The following CELF6 variants were observed in gnomAD, a reference collection of about 807,000 sequenced individuals.
The protein encoded by CELF6 is Bruno -like 6, RNA binding protein.
In CELF6, 32 loss-of-function variants were observed where a neutral mutation model predicts 53.1. The ratio of observed to expected loss-of-function variants is 0.60; its 90% CI spans 0.46 to 0.81. CELF6 has a LOEUF of 0.81. Among genes scored for constraint, CELF6 ranks in the 30% least tolerant of loss-of-function variants. The probability of loss-of-function intolerance (pLI) is 0.00; values close to 1 mark genes in which losing one functional copy is unlikely to be tolerated. For synonymous variants in CELF6, 291 were observed against 288.8 expected (o/e 1.01, Z -0.08); for missense variants, 539 against 669.5 (o/e 0.81, Z 2.15).
At chr15:72,300,124 G>T (rs372783328) in intron 3 of CELF6, among the ~76,000 whole-genome samples, 1 of 152,184 alleles carries the variant, frequency 6.6e-6, no homozygotes, top group Non-Finnish European at 1.5e-5. Context: ...GGAAGGCAAC[G>T]TGGGAGGATC....
chr15:72,292,027 T>C (rs764692253), intron 3 of CELF6, among the ~76,000 whole-genome samples: 2 of 152,052 alleles, frequency 1.3e-5, no homozygotes, highest in Non-Finnish European at 2.9e-5. Flanking sequence ...TTTTGAAAAA[T>C]CAGTGGAATA....
Position 72,320,069 on chromosome 15 carries a change from C to A in CELF6, c.-195G>T, listed in dbSNP as rs1435315726. The A allele has an allele frequency of 2.0e-4, 44 of 217,054 alleles. No homozygotes were observed. The highest frequency in any genetic ancestry group is 3.6e-4 in the Non-Finnish European group (38 of 105,090). The allele number at this position is 217,054 out of a possible 1,614,324, so 13.4% of individuals were successfully genotyped here. A position where few individuals can be genotyped will look rare whatever the true frequency, so the allele number is the denominator to read the frequency against. On this transcript the variant is annotated 5_prime_UTR_variant, in exon 1 of 13. Coordinates refer to ENST00000287202, the MANE Select transcript of CELF6 (RefSeq NM_052840.5). Reference sequence around the variant, plus strand: ...GGGCAGGAAAGGGGCGGGGCCGGGGCGGGGCGGGCCCGGGCCGAGGTGGCG... The same window carrying A: ...GGGCAGGAAAGGGGCGGGGCCGGGGAGGGGCGGGCCCGGGCCGAGGTGGCG...
intron 2 of CELF6, among the ~76,000 whole-genome samples, chr15:72,311,405 CT>C (rs531976963): frequency 1.3e-3 from 178 of 138,518 alleles, no homozygotes; most frequent in Middle Eastern, 3.8e-3. Context: ...CACCTTTTTT[CT>C]TTTTTTTTTT....
chr15:72,304,649 G>A, intron 3 of CELF6, 97 bp downstream of exon 3: 1 of 1,089,408 alleles, frequency 9.2e-7, no homozygotes. Context: ...TTGACCCAGG[G>A]AGGCTCTCAT....
In CELF6 at chr15:72,307,971, C is replaced by T. The variant is rs144228797; in HGVS notation, c.346-3177G>A. Among the ~76,000 whole-genome samples the T allele has an allele frequency of 4.6e-3, 695 of 151,840 alleles. 2 individuals are homozygous for T. The highest frequency in any genetic ancestry group is 0.02 in the Middle Eastern group (6 of 294). On this transcript the variant is annotated intron_variant, in intron 2 of 12. Transcript: ENST00000287202. The stretch of plus-strand genomic sequence containing the variant: ...GGAGCTGCAATGGCTAGGGTACGGA[C>T]AGGGAGCTGCAAGCCTGAAGGAGCA...
intron 3 of CELF6, among the ~76,000 whole-genome samples, chr15:72,302,516 A>C (rs1214274075): frequency 6.6e-6 from 1 of 152,228 alleles, no homozygotes; most frequent in Admixed American, 6.5e-5. Flanking sequence ...AAGTTTATAC[A>C]AAAATGTGGA....
At chr15:72,308,825 C>A (rs1456116286) in intron 2 of CELF6, among the ~76,000 whole-genome samples, 3 of 152,074 alleles carry the variant, frequency 2.0e-5, no homozygotes, top group African/African-American at 7.2e-5. Context: ...CCTGCCTCTG[C>A]CTCCTGAGTA....
rs527981118 is a variant in CELF6 at position 72,289,409 on chromosome 15, A to G, written c.846T>C (p.Phe282=). 42 of 1,555,294 alleles carry G rather than the reference A, an allele frequency of 2.7e-5. No homozygotes were observed. In the South Asian group the frequency reaches 4.2e-4, roughly 16 times the overall value. The change falls in exon 7 of 13, where the codon TTT becomes TTC. Residue 282 remains phenylalanine (F), a synonymous_variant. Transcript: ENST00000287202. The surrounding 1 kb of genome is among the most constrained non-coding windows in gnomAD (Gnocchi z 7.6). ...VAAQMQHVAA[F]SLVAAPLLPA... ...GCAACAGAGGCGCAGCTACCAGGCTAAAGGCCGCCACGTGTTGCATCTGGG... is the reference window on the plus strand; with the variant it reads ...GCAACAGAGGCGCAGCTACCAGGCTGAAGGCCGCCACGTGTTGCATCTGGG...
chr15:72,303,484 C>T (rs886867184), intron 3 of CELF6, among the ~76,000 whole-genome samples: 1 of 152,222 alleles, frequency 6.6e-6, no homozygotes, highest in Non-Finnish European at 1.5e-5. Flanking sequence ...ACCACAAAGT[C>T]ACCAGAACTC....
chr15:72,305,781 C>A (rs778092182), intron 2 of CELF6, among the ~76,000 whole-genome samples: 34 of 152,210 alleles, frequency 2.2e-4, no homozygotes, highest in Non-Finnish European at 4.7e-4. Flanking sequence ...ATGTTACCAG[C>A]TGCCTGCTGG....
chr15:72,300,461 T>A (rs1183005580), intron 3 of CELF6, among the ~76,000 whole-genome samples: 1 of 151,964 alleles, frequency 6.6e-6, no homozygotes, highest in Admixed American at 6.6e-5. Context: ...ACAAACCTCA[T>A]GTTTATTGAT....
Position 72,308,719 on chromosome 15 carries a change from T to A in CELF6, c.346-3925A>T, listed in dbSNP as rs78348508. 1.8e-3 allele frequency among the ~76,000 whole-genome samples: 270 copies of A among 152,150 alleles called. 7 individuals carry two copies. In the South Asian group the frequency reaches 0.029, roughly 16 times the overall value. On this transcript the variant is annotated intron_variant, in intron 2 of 12. Transcript: ENST00000287202. ...TTAAACATTTTTATTTATTTATTTA[T>A]TTTGGAGACTGAGTCTCACTCTATC...
intron 1 of CELF6, among the ~76,000 whole-genome samples, chr15:72,317,486 A>G (rs2088376682): frequency 6.6e-6 from 1 of 152,226 alleles, no homozygotes; most frequent in Admixed American, 6.5e-5. Flanking sequence ...TCACATCAAC[A>G]GGGAAACTGA....
rs1313320649 is a variant in CELF6, at chr15:72,289,758, T to A, written c.616A>T (p.Ser206Cys). The A allele has an allele frequency of 2.7e-6, 4 of 1,455,766 alleles. No individual in the cohort carries two copies. The highest frequency in any genetic ancestry group is 3.6e-6 in the Non-Finnish European group (4 of 1,110,706). 90.2% of individuals were successfully genotyped at this position (1,455,766 alleles called of 1,614,324 possible). ...GTGTCCGCCAGCTTGACCACGAGGCTGGACGAGGCGCCCTGGGCAGGGCAG... is the reference window on the plus strand; with the variant it reads ...GTGTCCGCCAGCTTGACCACGAGGCAGGACGAGGCGCCCTGGGCAGGGCAG... ...GSRTMAGASSSLVVKLADTDR... is the reference protein window; with the variant it reads ...GSRTMAGASSCLVVKLADTDR... The change falls in exon 6 of 13, where the codon AGC (serine) becomes TGC (cysteine). Residue 206 changes from serine (S) to cysteine (C), a missense_variant. This residue lies in a region of CELF6 where 358 missense variants were observed against 412.8 expected (regional missense o/e 0.87). Transcript: ENST00000287202. This position sits in a 1 kb window ranked among gnomAD's most constrained non-coding sequence, Gnocchi z 7.6.
rs761476973 is a variant in CELF6, at chr15:72,287,283, A to C, written c.1428T>G (p.Asp476Glu). Residue 476 changes from aspartate to glutamate, a missense_variant, in exon 12 of 13, where the codon GAT (aspartate) becomes GAG (glutamate). By Grantham distance (45) the Asp-to-Glu change is conservative (BLOSUM62 2). Around this residue, in one of 3 missense-constraint regions of CELF6, gnomAD observed 358 missense variants for 412.8 expected, o/e 0.87. Coordinates refer to ENST00000287202, the MANE Select transcript of CELF6 (RefSeq NM_052840.5). ...AAGCAGGTCAGTAAGGCCGGTTGGC[A>C]TCCTTGGGCCGCTTTAGCTGGACCT... ...RLKVQLKRPK[D>E]ANRPY 2.5e-6 allele frequency: 4 copies of C among 1,614,116 alleles called. No individual in the cohort carries two copies. In the African/African-American group the frequency reaches 4.0e-5, roughly 16 times the overall value.
intron 2 of CELF6, among the ~76,000 whole-genome samples, chr15:72,312,483 G>C (rs1026059413): frequency 1.3e-5 from 2 of 152,074 alleles, no homozygotes; most frequent in African/African-American, 4.8e-5. Context: ...AAAAAAATTA[G>C]CTTGGCGCGG....
At chr15:72,311,297 G>A (rs1314791597) in intron 2 of CELF6, among the ~76,000 whole-genome samples, 1 of 151,218 alleles carries the variant, frequency 6.6e-6, no homozygotes, top group South Asian at 2.1e-4. Flanking sequence ...CACCGCACCC[G>A]GCCTTTTCCT....
intron 3 of CELF6, among the ~76,000 whole-genome samples, chr15:72,303,877 A>G (rs1370256813): frequency 1.3e-5 from 2 of 152,008 alleles, no homozygotes; most frequent in African/African-American, 4.8e-5. Flanking sequence ...TTTTGTTTTG[A>G]TACAGAGTCA....
chr15:72,288,973 G>A lies in CELF6; in HGVS notation c.1031-43C>T, dbSNP rs1413865928. Reference sequence around the variant, plus strand: ...CGAGGCCCACAGTGAAGGCAAGCGGGCGAGCAGAGTGGGTGAGAAGCTCAG... The same window carrying A: ...CGAGGCCCACAGTGAAGGCAAGCGGACGAGCAGAGTGGGTGAGAAGCTCAG... On this transcript the variant is annotated intron_variant, in intron 8 of 12. Coordinates refer to ENST00000287202, the MANE Select transcript of CELF6 (RefSeq NM_052840.5). The surrounding 1 kb of genome is among the most constrained non-coding windows in gnomAD (Gnocchi z 4.6). The A allele has an allele frequency of 6.6e-7, 1 of 1,526,008 alleles. No individual in the cohort carries two copies. Among genetic ancestry groups the A allele is most frequent in the African/African-American group, 1.4e-5 (1 of 72,520 alleles). The allele number at this position is 1,526,008 out of a possible 1,614,324, so 94.5% of individuals were successfully genotyped here.
Sources: allele counts gnomAD v4.1 joint callset (sites outside exome capture counted in the v4.1 genomes callset), GRCh38; gene constraint gnomAD v4.1.1; regional missense constraint gnomAD v4.1.1; non-coding constraint Gnocchi (gnomAD v3.1); transcripts MANE v1.5; gene names NCBI Gene and HGNC (gene_info 2026-07-23, HGNC 2026-07-21).